The following ATF6 variants were observed in gnomAD, a reference collection of about 807,000 sequenced individuals.
The protein encoded by ATF6 is cyclic AMP-dependent transcription factor ATF-6 alpha.
ATF6 carries 53 observed loss-of-function variants against 83.6 expected under a neutral mutation model. The observed-to-expected ratio is 0.63, with a 90% CI of 0.51 to 0.80. The LOEUF is 0.80. ATF6 is among the 30% of genes least tolerant of loss of function. The pLI, the probability that ATF6 is intolerant of heterozygous loss-of-function variation, is 0.00. For synonymous variants in ATF6, 288 were observed against 285.8 expected, an observed-to-expected ratio of 1.01 and a Z score of -0.08; for missense variants, 744 against 797.9, an observed-to-expected ratio of 0.93 and a Z score of 0.81.
In ATF6 at chr1:161,910,357, A is replaced by G. The variant is rs534212843; in HGVS notation, c.1720-1939A>G. On this transcript the variant is annotated intron_variant, in intron 14 of 15. Transcript: ENST00000367942. ...GTTTGCAAACCTTTAATAATTAGAG[A>G]CAAGGCAGGTTAACTGTAATAATTC... 7.5e-4 allele frequency among the ~76,000 whole-genome samples: 114 copies of G among 152,296 alleles called. 2 individuals are homozygous for G. The highest frequency in any genetic ancestry group is 7.5e-3 in the Admixed American group (114 of 15,300).
chr1:161,821,697 T>G (rs1211280170), intron 9 of ATF6, among the ~76,000 whole-genome samples: 1 of 152,196 alleles, frequency 6.6e-6, no homozygotes, highest in Non-Finnish European at 1.5e-5. Flanking sequence ...GTTAGAAGTA[T>G]AGGTGCTGCT....
At chr1:161,868,379 G>GTT (rs200196957) in intron 14 of ATF6, among the ~76,000 whole-genome samples, 31 of 151,974 alleles carry the variant, frequency 2.0e-4, no homozygotes, top group African/African-American at 7.0e-4. Flanking sequence ...CACACAGCCT[G>GTT]TTTTTTTTAA....
chr1:161,818,471 T>C (rs1490214793), intron 7 of ATF6, among the ~76,000 whole-genome samples: 2 of 152,178 alleles, frequency 1.3e-5, no homozygotes, highest in Non-Finnish European at 2.9e-5. Flanking sequence ...AGGTATAAAA[T>C]CTAGGTGGGG....
At chr1:161,775,185 A>G (rs1468062049) in intron 1 of ATF6, among the ~76,000 whole-genome samples, 1 of 152,238 alleles carries the variant, frequency 6.6e-6, no homozygotes, top group Admixed American at 6.5e-5. Flanking sequence ...CGATGTTCCT[A>G]TGCCATCATA....
chr1:161,771,681 ACAGCTCACTGCATCTT>A (rs1299702153), intron 1 of ATF6, among the ~76,000 whole-genome samples: 2 of 152,006 alleles, frequency 1.3e-5, no homozygotes, highest in Non-Finnish European at 2.9e-5. Context: ...TGGAGCAATC[ACAGCTCACTGCATCTT>A]CAGACCCCTG....
chr1:161,839,216 C>T (rs1686296020), intron 9 of ATF6, among the ~76,000 whole-genome samples: 1 of 151,994 alleles, frequency 6.6e-6, no homozygotes, highest in African/African-American at 2.4e-5. Flanking sequence ...CTAGAACACC[C>T]CTTAGCTTAC....
intron 15 of ATF6, among the ~76,000 whole-genome samples, chr1:161,928,424 C>G (rs141560953): frequency 3.4e-4 from 51 of 152,122 alleles, no homozygotes; most frequent in African/African-American, 1.2e-3. Context: ...CCATGATAAA[C>G]CAGAAAGGCT....
chr1:161,908,438 AAGT>A (rs1426919406), intron 14 of ATF6, among the ~76,000 whole-genome samples: 5 of 152,160 alleles, frequency 3.3e-5, no homozygotes, highest in African/African-American at 1.2e-4. Flanking sequence ...AACTATATGA[AAGT>A]AGCATATTTT....
At chr1:161,794,584 G>T (rs1374957947) in intron 6 of ATF6, among the ~76,000 whole-genome samples, 1 of 151,910 alleles carries the variant, frequency 6.6e-6, no homozygotes, top group Admixed American at 6.6e-5. Context: ...AAAGCTCTGG[G>T]ATTAAGGCGT....
chr1:161,947,950 G>A (rs954310684), intron 15 of ATF6, among the ~76,000 whole-genome samples: 30 of 149,888 alleles, frequency 2.0e-4, no homozygotes, highest in African/African-American at 2.2e-4. Context: ...TCAGCCTCCC[G>A]AGTAGCTGGG....
intron 6 of ATF6, among the ~76,000 whole-genome samples, chr1:161,799,632 A>G (rs1260678797): frequency 6.6e-6 from 1 of 152,212 alleles, no homozygotes; most frequent in Non-Finnish European, 1.5e-5. Flanking sequence ...ACGAGAAGGT[A>G]AAAATGTTTA....
intron 7 of ATF6, among the ~76,000 whole-genome samples, chr1:161,814,639 C>T (rs1370759711): frequency 6.6e-6 from 1 of 152,048 alleles, no homozygotes; most frequent in Non-Finnish European, 1.5e-5. Flanking sequence ...TACATACACA[C>T]AAAACTTAAT....
intron 14 of ATF6, among the ~76,000 whole-genome samples, chr1:161,863,789 CTTCTT>C (rs1234352262): frequency 6.6e-6 from 1 of 152,098 alleles, no homozygotes; most frequent in African/African-American, 2.4e-5. Flanking sequence ...TCTTTTATCT[CTTCTT>C]AATTAAACAT....
chr1:161,802,471 G>T (rs895839541), intron 7 of ATF6, among the ~76,000 whole-genome samples, 199 bp downstream of exon 7: 5 of 152,038 alleles, frequency 3.3e-5, no homozygotes, highest in African/African-American at 1.2e-4. Flanking sequence ...TAAGTGAAAA[G>T]GTTTTTGAAA....
At chr1:161,911,073 A>G (rs147601240) in intron 14 of ATF6, among the ~76,000 whole-genome samples, 60 of 152,282 alleles carry the variant, frequency 3.9e-4, no homozygotes, top group African/African-American at 1.3e-3. Context: ...AATCATATCA[A>G]CTTTGAACTT....
chr1:161,864,170 C>CTT (rs748955074), intron 14 of ATF6, among the ~76,000 whole-genome samples: 4 of 144,466 alleles, frequency 2.8e-5, no homozygotes, highest in African/African-American at 1.0e-4. Flanking sequence ...AGCTGGCTTT[C>CTT]TTTTTTTTTT....
At chr1:161,803,325 ACATC>A (rs1442970449) in intron 7 of ATF6, among the ~76,000 whole-genome samples, 2 of 152,234 alleles carry the variant, frequency 1.3e-5, no homozygotes, top group East Asian at 3.8e-4. Context: ...TGAAAGTAGA[ACATC>A]CAGTTTCTAG....
At chr1:161,936,364 A>G (rs1688537042) in intron 15 of ATF6, among the ~76,000 whole-genome samples, 1 of 152,130 alleles carries the variant, frequency 6.6e-6, no homozygotes, top group African/African-American at 2.4e-5. Flanking sequence ...GGTATGTGAC[A>G]TGTTTTGATA....
intron 15 of ATF6, among the ~76,000 whole-genome samples, chr1:161,921,942 G>A (rs1312279135): frequency 2.6e-5 from 4 of 152,170 alleles, no homozygotes; most frequent in Non-Finnish European, 4.4e-5. Flanking sequence ...GAAATATAGA[G>A]TGGGAATCTG....
Sources: gnomAD v4.1 joint callset for allele counts (sites outside exome capture counted in the v4.1 genomes callset) on GRCh38, gnomAD v4.1.1 for gene constraint, MANE v1.5 for transcripts, NCBI Gene and HGNC (gene_info 2026-07-23, HGNC 2026-07-21) for gene names.